The following MBOAT2 variants were observed in gnomAD, a reference collection of about 807,000 sequenced individuals.
MBOAT2 encodes the protein membrane-bound glycerophospholipid O-acyltransferase 2.
A neutral mutation model predicts 63.4 loss-of-function variants in MBOAT2; 28 were observed. The observed-to-expected ratio is 0.44, with a 90% CI of 0.33 to 0.61. The LOEUF (loss-of-function observed/expected upper bound fraction) is 0.61, where lower values mean the gene tolerates loss of function less well. Ranked by LOEUF, MBOAT2 falls within the 20% of genes least tolerant of loss-of-function variation. MBOAT2 has a pLI of 0.03. For synonymous variants in MBOAT2, 211 were observed against 215.6 expected (o/e 0.98, Z 0.19); for missense variants, 470 against 605.8 (o/e 0.78, Z 2.35).
rs114860060 is a variant in MBOAT2, at chr2:8,868,372, T to C, written c.987+74A>G. The C allele has an allele frequency of 7.9e-3, 9,912 of 1,256,514 alleles. 56 individuals carry two copies. The highest frequency in any genetic ancestry group is 0.024 in the Middle Eastern group (128 of 5,232). The allele number at this position is 1,256,514 out of a possible 1,614,324, so 77.8% of individuals were successfully genotyped here. ...AACCTTCAATACCACTCCTAGGACA[T>C]CACACCATAACTTATGAAAGCAAAC... is the stretch of plus-strand genomic sequence containing the variant. On this transcript the variant is annotated intron_variant, in intron 9 of 12. Transcript: ENST00000305997.
chr2:8,949,936 C>T (rs901373421), intron 2 of MBOAT2, among the ~76,000 whole-genome samples: 1 of 152,180 alleles, frequency 6.6e-6, no homozygotes, highest in Admixed American at 6.5e-5. Flanking sequence ...GTGGCATTGA[C>T]TCTTCCAATC....
intron 7 of MBOAT2, 131 bp from the exon 8 acceptor site, chr2:8,873,431 C>CAATG: frequency 5.6e-6 from 5 of 887,688 alleles, no homozygotes; most frequent in Non-Finnish European, 8.3e-6. Flanking sequence ...AATTCAAGAG[C>CAATG]TACATTGCAC....
chr2:8,940,732 A>C (rs1296889970), intron 3 of MBOAT2, among the ~76,000 whole-genome samples: 1 of 152,234 alleles, frequency 6.6e-6, no homozygotes, highest in Non-Finnish European at 1.5e-5. Flanking sequence ...GGGTCAATCA[A>C]AGCAAGTACA....
chr2:8,978,447 T>G (rs1173551538), intron 1 of MBOAT2, among the ~76,000 whole-genome samples: 2 of 152,200 alleles, frequency 1.3e-5, no homozygotes, highest in Admixed American at 6.5e-5. Flanking sequence ...TACTTATTTA[T>G]TATATTTGCT....
At chr2:8,932,433 C>T (rs777261140) in intron 3 of MBOAT2, among the ~76,000 whole-genome samples, 1 of 152,092 alleles carries the variant, frequency 6.6e-6, no homozygotes, top group African/African-American at 2.4e-5. Context: ...AGTCACAATA[C>T]AATGCAATAC....
chr2:8,994,518 A>C (rs1308043127), intron 1 of MBOAT2, among the ~76,000 whole-genome samples: 1 of 152,222 alleles, frequency 6.6e-6, no homozygotes, highest in East Asian at 1.9e-4. Context: ...AGTCCAGAGC[A>C]AAGGAGAGAG....
intron 6 of MBOAT2, among the ~76,000 whole-genome samples, chr2:8,877,827 G>C (rs916098109): frequency 2.6e-5 from 4 of 152,138 alleles, no homozygotes; most frequent in Admixed American, 6.6e-5. Flanking sequence ...GGAATGATGC[G>C]TGAAGACCCC....
chr2:8,908,997 A>G (rs1289382664), intron 3 of MBOAT2, among the ~76,000 whole-genome samples: 4 of 152,144 alleles, frequency 2.6e-5, no homozygotes, highest in African/African-American at 9.7e-5. Flanking sequence ...ACAAGCATAA[A>G]CCTGTGGTTA....
chr2:8,869,471 T>C (rs1164481500), intron 8 of MBOAT2, among the ~76,000 whole-genome samples: 1 of 152,238 alleles, frequency 6.6e-6, no homozygotes. Flanking sequence ...ACTGGAAAAT[T>C]GTTCATGCTA....
At chr2:8,940,266 T>C (rs1376777714) in intron 3 of MBOAT2, among the ~76,000 whole-genome samples, 2 of 152,072 alleles carry the variant, frequency 1.3e-5, no homozygotes, top group Admixed American at 6.5e-5. Flanking sequence ...AATGCTGCAA[T>C]GACAGAACTT....
chr2:8,966,957 A>C (rs1670040277), intron 1 of MBOAT2, among the ~76,000 whole-genome samples: 1 of 152,236 alleles, frequency 6.6e-6, no homozygotes, highest in South Asian at 2.1e-4. Flanking sequence ...TAACAGCAAA[A>C]TGGCTAAATA....
intron 4 of MBOAT2, among the ~76,000 whole-genome samples, chr2:8,900,947 T>C (rs1302853583): frequency 6.6e-6 from 1 of 152,156 alleles, no homozygotes. Context: ...TGGGTCAAAT[T>C]GGTCCCAATG....
At chr2:8,902,665 A>G (rs1359624552) in intron 4 of MBOAT2, among the ~76,000 whole-genome samples, 1 of 151,990 alleles carries the variant, frequency 6.6e-6, no homozygotes, top group East Asian at 1.9e-4. Flanking sequence ...GTTACAGTTC[A>G]TAAAGGCAGT....
chr2:8,883,901 T>A (rs780938574), intron 5 of MBOAT2, among the ~76,000 whole-genome samples: 2 of 151,824 alleles, frequency 1.3e-5, no homozygotes, highest in Non-Finnish European at 2.9e-5. Flanking sequence ...AAACCATGCC[T>A]CATAAGATGA....
intron 3 of MBOAT2, among the ~76,000 whole-genome samples, chr2:8,912,333 A>AAGAGAAAGAAAGAAAGAAAGAAAG (rs1325218438): frequency 9.1e-6 from 1 of 110,380 alleles, no homozygotes; most frequent in African/African-American, 3.8e-5. Context: ...GAAAGAAAGA[A>AAGAGAAAGAAAGAAAGAAAGAAAG]AGAAAGAAAG....
chr2:8,898,223 G>GT (rs749554371), intron 4 of MBOAT2, among the ~76,000 whole-genome samples: 17 of 152,286 alleles, frequency 1.1e-4, no homozygotes, highest in Admixed American at 7.8e-4. Flanking sequence ...CTGCTTTAAG[G>GT]TTTTTGAAGG....
In MBOAT2 at chr2:8,855,268, T is replaced by A. The variant is rs1464173284; in HGVS notation, c.*3411A>T. 2 of 152,234 alleles carry A rather than the reference T, an allele frequency of 1.3e-5. No homozygotes were observed. The highest frequency in any genetic ancestry group is 4.8e-5 in the African/African-American group (2 of 41,448). 9.4% of individuals were successfully genotyped at this position (152,234 alleles called of 1,614,324 possible). On this transcript the variant is annotated 3_prime_UTR_variant, in exon 13 of 13. Transcript: ENST00000305997. ...TCCGTTCACGACACCCAACTGGTCC[T>A]GAACTCTTAGGATTAACCCGTTTGC...
intron 4 of MBOAT2, among the ~76,000 whole-genome samples, chr2:8,892,076 T>G (rs1449797084): frequency 6.6e-6 from 1 of 152,170 alleles, no homozygotes; most frequent in Non-Finnish European, 1.5e-5. Flanking sequence ...ATAGTAGGAT[T>G]TGGTTCTATT....
At chr2:8,910,780 G>A (rs1420558500) in intron 3 of MBOAT2, among the ~76,000 whole-genome samples, 3 of 152,162 alleles carry the variant, frequency 2.0e-5, no homozygotes, top group Non-Finnish European at 4.4e-5. Context: ...AGCCCACATA[G>A]TTTTCTAATG....
Sources: gnomAD v4.1 joint callset for allele counts (sites outside exome capture counted in the v4.1 genomes callset) on GRCh38, gnomAD v4.1.1 for gene constraint, MANE v1.5 for transcripts, NCBI Gene and HGNC (gene_info 2026-07-23, HGNC 2026-07-21) for gene names.